The following MMP26 variants were observed in gnomAD, a reference collection of about 807,000 sequenced individuals.
MMP26 encodes matrix metalloproteinase-26.
In MMP26, 33 loss-of-function variants were observed where a neutral mutation model predicts 31.0. The observed-to-expected ratio is 1.06, with a 90% CI of 0.81 to 1.42. The LOEUF (loss-of-function observed/expected upper bound fraction) is 1.42, where lower values mean the gene tolerates loss of function less well. MMP26 is among the 40% of genes most tolerant of loss of function. The probability of loss-of-function intolerance (pLI) is 0.00; values close to 1 mark genes in which losing one functional copy is unlikely to be tolerated. For synonymous variants in MMP26, 122 were observed against 114.9 expected (o/e 1.06, Z -0.40); for missense variants, 347 against 316.1 (o/e 1.10, Z -0.74).
chr11:4,923,701 G>A, intron 2 of MMP26: 1 of 1,614,016 alleles, frequency 6.2e-7, no homozygotes, highest in Non-Finnish European at 8.5e-7. Flanking sequence ...AGATGAGCAG[G>A]GAGTCCACAC....
At position 4,992,319 on chromosome 11, in the gene MMP26, C is replaced by A; in HGVS notation, c.*77C>A. On this transcript the variant is annotated 3_prime_UTR_variant, in exon 8 of 8. Coordinates refer to ENST00000380390, the MANE Select transcript of MMP26 (RefSeq NM_021801.5). ...GATCAAAGAACTGAAAGCACTAGAGCAGCCTTGGGGACTGCTAGGATGAAG... is the reference window on the plus strand; with the variant it reads ...GATCAAAGAACTGAAAGCACTAGAGAAGCCTTGGGGACTGCTAGGATGAAG... The A allele has an allele frequency of 2.1e-6, 3 of 1,453,154 alleles. No homozygotes were observed. The highest frequency in any genetic ancestry group is 1.2e-5 in the South Asian group (1 of 81,394). 90.0% of individuals were successfully genotyped at this position (1,453,154 alleles called of 1,614,324 possible).
At chr11:4,822,931 C>T (rs569204524) in intron 2 of MMP26, among the ~76,000 whole-genome samples, 2 of 152,120 alleles carry the variant, frequency 1.3e-5, no homozygotes, top group Non-Finnish European at 2.9e-5. Flanking sequence ...TGCTCAGCAT[C>T]AGTTACTGCT....
At chr11:4,892,663 TGA>T (rs1850642015) in intron 2 of MMP26, among the ~76,000 whole-genome samples, 1 of 152,212 alleles carries the variant, frequency 6.6e-6, no homozygotes. Flanking sequence ...TTGTTCTGTG[TGA>T]GTGACTGAAG....
chr11:4,738,287 G>A (rs1848268025), intron 1 of MMP26, among the ~76,000 whole-genome samples: 1 of 152,186 alleles, frequency 6.6e-6, no homozygotes, highest in African/African-American at 2.4e-5. Context: ...GAAGACAGGA[G>A]AGCCGGGCAG....
chr11:4,774,914 G>A (rs1222564041), intron 2 of MMP26, among the ~76,000 whole-genome samples: 1 of 151,992 alleles, frequency 6.6e-6, no homozygotes, highest in Admixed American at 6.6e-5. Context: ...TTTTTGTCAG[G>A]ATTGTTGAAG....
intron 2 of MMP26, among the ~76,000 whole-genome samples, chr11:4,895,486 A>G (rs1025887841): frequency 1.3e-5 from 2 of 152,216 alleles, no homozygotes; most frequent in Non-Finnish European, 2.9e-5. Flanking sequence ...TGTCAGAGTT[A>G]TCCTATTTCC....
chr11:4,827,572 A>T (rs1381334892), intron 2 of MMP26, among the ~76,000 whole-genome samples: 1 of 152,058 alleles, frequency 6.6e-6, no homozygotes, highest in Admixed American at 6.6e-5. Context: ...ATGCTTTTGC[A>T]GGGAATATTT....
At chr11:4,891,192 AC>A (rs1458762131) in intron 2 of MMP26, among the ~76,000 whole-genome samples, 1 of 152,068 alleles carries the variant, frequency 6.6e-6, no homozygotes, top group Non-Finnish European at 1.5e-5. Context: ...TGGGTAATTT[AC>A]AAAGAAAAGA....
chr11:4,822,477 T>G (rs1849524366), intron 2 of MMP26: 1 of 1,122,640 alleles, frequency 8.9e-7, no homozygotes, highest in Non-Finnish European at 1.2e-6. Flanking sequence ...CAGTCCAAAC[T>G]AAGCAATTTA....
chr11:4,870,355 A>T (rs1413904554), intron 2 of MMP26, among the ~76,000 whole-genome samples: 1 of 152,182 alleles, frequency 6.6e-6, no homozygotes, highest in East Asian at 1.9e-4. Context: ...ACACTCAATT[A>T]TATGGTCTAT....
intron 2 of MMP26, among the ~76,000 whole-genome samples, chr11:4,921,954 A>T (rs1851191163): frequency 6.6e-6 from 1 of 152,184 alleles, no homozygotes; most frequent in South Asian, 2.1e-4. Flanking sequence ...CACCTGAGTA[A>T]TGTGTATTGT....
intron 2 of MMP26, among the ~76,000 whole-genome samples, chr11:4,807,420 T>C (rs924431573): frequency 3.3e-5 from 5 of 152,164 alleles, no homozygotes; most frequent in Admixed American, 6.5e-5. Flanking sequence ...ATATACCCCA[T>C]GGAATACTAT....
intron 2 of MMP26, among the ~76,000 whole-genome samples, chr11:4,869,438 G>A (rs1343887845): frequency 1.3e-5 from 2 of 152,108 alleles, no homozygotes; most frequent in Non-Finnish European, 2.9e-5. Flanking sequence ...AAAAGAAGAT[G>A]TTTATGCAGC....
In MMP26 at chr11:4,753,893, T is replaced by C. The variant is rs573984687; in HGVS notation, c.-216-13377T>C. Among the ~76,000 whole-genome samples the C allele has an allele frequency of 1.1e-3, 173 of 152,180 alleles. 2 individuals are homozygous for C. Among genetic ancestry groups the C allele is most frequent in the African/African-American group, 3.9e-3 (164 of 41,556 alleles). ...CCCCGTTTATGATTATAAAACCTGC[T>C]TCTGTTGTGATAAAAATCAGTGAGG... On this transcript the variant is annotated intron_variant, in intron 1 of 7. Transcript: ENST00000380390.
chr11:4,881,076 A>G (rs182090350), intron 2 of MMP26, among the ~76,000 whole-genome samples: 3 of 152,226 alleles, frequency 2.0e-5, no homozygotes, highest in Admixed American at 6.5e-5. Context: ...GCACTAATAT[A>G]TTGCTCTGGT....
intron 2 of MMP26, chr11:4,822,457 A>G (rs1317723669): frequency 4.5e-6 from 6 of 1,331,062 alleles, no homozygotes; most frequent in Middle Eastern, 1.9e-4. Flanking sequence ...GTGCCCACAC[A>G]TGCCTCCAAC....
intron 2 of MMP26, among the ~76,000 whole-genome samples, chr11:4,829,649 G>A (rs1420034574): frequency 6.6e-6 from 1 of 152,090 alleles, no homozygotes; most frequent in Non-Finnish European, 1.5e-5. Flanking sequence ...ACCAATAAAT[G>A]TTAAGGGGCT....
chr11:4,977,175 C>T (rs1315532820), intron 2 of MMP26, among the ~76,000 whole-genome samples: 2 of 151,888 alleles, frequency 1.3e-5, no homozygotes, highest in East Asian at 1.9e-4. Flanking sequence ...TGTTGTTGCA[C>T]GTTGAAATCC....
chr11:4,875,285 CTG>C (rs1850364527), intron 2 of MMP26: 1 of 152,080 alleles, frequency 6.6e-6, no homozygotes, highest in Admixed American at 6.6e-5. Context: ...AATGGGAAGA[CTG>C]GATATTTCTG....
Sources: gnomAD v4.1 joint callset for allele counts (sites outside exome capture counted in the v4.1 genomes callset) on GRCh38, gnomAD v4.1.1 for gene constraint, MANE v1.5 for transcripts, NCBI Gene and HGNC (gene_info 2026-07-23, HGNC 2026-07-21) for gene names.